Variants in VPS39 observed in about 807,000 individuals in gnomAD.
VPS39 encodes the protein VPS39 subunit of HOPS complex.
VPS39 carries 70 observed loss-of-function variants against 121.0 expected under a neutral mutation model. The ratio of observed to expected loss-of-function variants is 0.58; its 90% CI spans 0.48 to 0.71. The LOEUF (loss-of-function observed/expected upper bound fraction) is 0.71, where lower values mean the gene tolerates loss of function less well. VPS39 is among the 30% of genes least tolerant of loss of function. The pLI, the probability that VPS39 is intolerant of heterozygous loss-of-function variation, is 0.00. For synonymous variants in VPS39, 378 were observed against 398.1 expected, an observed-to-expected ratio of 0.95 and a Z score of 0.60; for missense variants, 818 against 1,051.5, an observed-to-expected ratio of 0.78 and a Z score of 3.07.
intron 10 of VPS39, among the ~76,000 whole-genome samples, chr15:42,175,402 G>A (rs1307634235): frequency 2.1e-5 from 3 of 144,950 alleles, no homozygotes; most frequent in African/African-American, 7.8e-5. Flanking sequence ...GGAAGACTCT[G>A]TCTCGGGAAA....
chr15:42,195,930 G>C (rs1566909257), intron 2 of VPS39, among the ~76,000 whole-genome samples: 2 of 152,150 alleles, frequency 1.3e-5, no homozygotes, highest in Non-Finnish European at 2.9e-5. Flanking sequence ...ATACTACAAG[G>C]CTACAGTAAC....
At chr15:42,181,401 GAGA>G (rs1458767214) in intron 8 of VPS39, among the ~76,000 whole-genome samples, 1 of 152,078 alleles carries the variant, frequency 6.6e-6, no homozygotes, top group East Asian at 1.9e-4. Flanking sequence ...GGACTGGAGG[GAGA>G]AGAACTGAGG....
intron 1 of VPS39, among the ~76,000 whole-genome samples, chr15:42,202,552 A>C (rs568103092): frequency 2.6e-5 from 4 of 152,350 alleles, no homozygotes; most frequent in African/African-American, 9.6e-5. Flanking sequence ...AATGAAGTGG[A>C]AATTTTTTAA....
At chr15:42,167,369 G>A (rs767131331) in intron 13 of VPS39, 25 bp downstream of exon 13, 2 of 1,612,378 alleles carry the variant, frequency 1.2e-6, no homozygotes, top group Non-Finnish European at 8.5e-7. Flanking sequence ...GGGAATTGTG[G>A]CACCCGAGCG....
At position 42,166,252 on chromosome 15, in the gene VPS39, T is replaced by G; in HGVS notation, c.1607-20A>C. The stretch of plus-strand genomic sequence containing the variant: ...CTGTGCCTAGAAGGAAAAGCAGGAC[T>G]TGTCAGCAGTTGAGGCCCATCTTGC... On this transcript the variant is annotated intron_variant, in intron 15 of 24. Transcript: ENST00000318006. 1 of 1,612,296 alleles carries G rather than the reference T, an allele frequency of 6.2e-7. No homozygotes were observed. The highest frequency in any genetic ancestry group is 8.5e-7 in the Non-Finnish European group (1 of 1,178,532).
At chr15:42,202,678 T>G (rs1330685967) in intron 1 of VPS39, among the ~76,000 whole-genome samples, 1 of 152,224 alleles carries the variant, frequency 6.6e-6, no homozygotes, top group Non-Finnish European at 1.5e-5. Flanking sequence ...TGCCAGTTCC[T>G]GCTTTTCTTT....
intron 20 of VPS39, 79 bp from the exon 21 acceptor site, chr15:42,163,474 G>C: frequency 6.3e-7 from 1 of 1,592,770 alleles, no homozygotes; most frequent in Non-Finnish European, 8.6e-7. Flanking sequence ...CAGCCTGCTC[G>C]AGCAGCCTAA....
intron 5 of VPS39, 78 bp from the exon 6 acceptor site, chr15:42,187,934 A>C: frequency 7.2e-7 from 1 of 1,384,550 alleles, no homozygotes; most frequent in Non-Finnish European, 1.0e-6. Context: ...GAGATTGTCT[A>C]CCTTGAAATT....
chr15:42,190,629 T>C (rs1297662685), intron 4 of VPS39, among the ~76,000 whole-genome samples: 1 of 152,228 alleles, frequency 6.6e-6, no homozygotes, highest in African/African-American at 2.4e-5. Flanking sequence ...GCCTTTGTTC[T>C]AGTTGTTCCC....
intron 10 of VPS39, among the ~76,000 whole-genome samples, chr15:42,174,957 G>A (rs1296056043): frequency 6.6e-6 from 1 of 151,976 alleles, no homozygotes; most frequent in East Asian, 1.9e-4. Flanking sequence ...TTGGGTGACA[G>A]AGCGAGACTC....
chr15:42,175,521 T>G (rs1037479458), intron 10 of VPS39, among the ~76,000 whole-genome samples: 2 of 152,200 alleles, frequency 1.3e-5, no homozygotes, highest in Non-Finnish European at 2.9e-5. Flanking sequence ...GCTATGAGCT[T>G]TGCTTCTTCC....
intron 4 of VPS39, 118 bp downstream of exon 4, chr15:42,191,007 G>A (rs1047571774): frequency 6.0e-6 from 7 of 1,160,798 alleles, no homozygotes; most frequent in Admixed American, 3.7e-5. Flanking sequence ...TGTTATACCA[G>A]GTTTGGAACA....
chr15:42,173,125 A>T (rs1248661690), intron 11 of VPS39, among the ~76,000 whole-genome samples: 1 of 152,266 alleles, frequency 6.6e-6, no homozygotes, highest in Non-Finnish European at 1.5e-5. Context: ...AGCACTTGTT[A>T]AGTGCCACAC....
At chr15:42,183,911 G>A (rs1410223562) in intron 8 of VPS39, among the ~76,000 whole-genome samples, 1 of 152,074 alleles carries the variant, frequency 6.6e-6, no homozygotes, top group African/African-American at 2.4e-5. Flanking sequence ...AAAATAAAAT[G>A]GGGCAAGAGT....
intron 1 of VPS39, among the ~76,000 whole-genome samples, chr15:42,206,505 GA>G (rs370155701): frequency 2.6e-5 from 4 of 152,334 alleles, no homozygotes; most frequent in African/African-American, 9.6e-5. Context: ...TCTTTACTGT[GA>G]CAAAGTGGAG....
In VPS39 at chr15:42,200,123, T is replaced by G. The variant is rs1327188114; in HGVS notation, c.74-162A>C. ...TTTGATAGGAGGTGTTTTGCAAAGC[T>G]AAGAAATGTTTATACTCATGTTTGA... On this transcript the variant is annotated intron_variant, in intron 1 of 24. Coordinates refer to ENST00000318006, the MANE Select transcript of VPS39 (RefSeq NM_015289.5). Among the ~76,000 whole-genome samples, 4 of 152,152 alleles carry G rather than the reference T, an allele frequency of 2.6e-5. No individual in the cohort carries two copies. The East Asian group carries it at 7.7e-4, about 29-fold the overall frequency.
At chr15:42,203,449 G>A (rs189844632) in intron 1 of VPS39, among the ~76,000 whole-genome samples, 1 of 150,506 alleles carries the variant, frequency 6.6e-6, no homozygotes, top group East Asian at 1.9e-4. Context: ...ACTCCAGCCT[G>A]GGTGACGGGG....
intron 4 of VPS39, among the ~76,000 whole-genome samples, chr15:42,189,420 T>A (rs2049774386): frequency 6.6e-6 from 1 of 152,148 alleles, no homozygotes; most frequent in Non-Finnish European, 1.5e-5. Context: ...TAAACTTGGA[T>A]ATTTTCTTCC....
At chr15:42,190,042 T>C (rs1268083296) in intron 4 of VPS39, among the ~76,000 whole-genome samples, 1 of 152,008 alleles carries the variant, frequency 6.6e-6, no homozygotes, top group Non-Finnish European at 1.5e-5. Flanking sequence ...CTCAAACTCC[T>C]GGACTCAAGC....
Sources: allele counts gnomAD v4.1 joint callset (sites outside exome capture counted in the v4.1 genomes callset), GRCh38; gene constraint gnomAD v4.1.1; transcripts MANE v1.5; gene names NCBI Gene and HGNC (gene_info 2026-07-23, HGNC 2026-07-21).